The following SNX14 variants were observed in gnomAD, a reference collection of about 807,000 sequenced individuals.
SNX14 encodes sorting nexin 14, also known as sorting nexin-14.
SNX14 carries 93 observed loss-of-function variants against 133.8 expected under a neutral mutation model. The ratio of observed to expected loss-of-function variants is 0.70; its 90% CI spans 0.59 to 0.83. The LOEUF (loss-of-function observed/expected upper bound fraction) is 0.83. Among genes scored for constraint, SNX14 ranks in the 40% least tolerant of loss-of-function variants. The probability of loss-of-function intolerance (pLI) is 0.00; values close to 1 mark genes in which losing one functional copy is unlikely to be tolerated. For synonymous variants in SNX14, 368 were observed against 365.6 expected (o/e 1.01, Z -0.07); for missense variants, 945 against 1,094.9 (o/e 0.86, Z 1.93).
chr6:85,565,341 CCTT>C lies in SNX14; in HGVS notation c.537_539del (p.Arg180del), dbSNP rs1209116914. ...CATTAAAAATATATACCTTGTGAAT[CCTT>C]CTTATTAAGACAGATGCAAAAAAAC... On this transcript the variant is annotated inframe_deletion, in exon 6 of 29. Transcript: ENST00000314673. 3 of 1,583,552 alleles carry C rather than the reference CCTT, an allele frequency of 1.9e-6. No individual in the cohort carries two copies. Among genetic ancestry groups the C allele is most frequent in the East Asian group, 4.5e-5 (2 of 44,512 alleles).
At chr6:85,583,028 A>C (rs1583117039) in intron 1 of SNX14, among the ~76,000 whole-genome samples, 1 of 152,236 alleles carries the variant, frequency 6.6e-6, no homozygotes, top group East Asian at 1.9e-4. Flanking sequence ...CCTCAAAAAA[A>C]TACTGGCAAA....
chr6:85,514,686 TAATC>T lies in SNX14; in HGVS notation c.2269-61_2269-58del, dbSNP rs995224375. On this transcript the variant is annotated intron_variant, in intron 23 of 28. Coordinates refer to ENST00000314673, the MANE Select transcript of SNX14 (RefSeq NM_153816.6). ...TATAGTTTATTACATCTGCTGACGA[TAATC>T]AATAAGGATTAAGTGTCACACAGCA... The T allele has an allele frequency of 4.5e-6, 7 of 1,540,906 alleles. No individual in the cohort carries two copies. The Admixed American group carries it at 6.8e-5, about 15-fold the overall frequency.
chr6:85,548,237 T>A (rs571771921), intron 9 of SNX14, 64 bp downstream of exon 9: 1,024 of 1,200,536 alleles, frequency 8.5e-4, no homozygotes, highest in Non-Finnish European at 1.2e-3. Context: ...TAAAAATGTT[T>A]AAGATACTAA....
chr6:85,579,060 C>G (rs1470644279), intron 1 of SNX14, among the ~76,000 whole-genome samples: 1 of 151,888 alleles, frequency 6.6e-6, no homozygotes, highest in African/African-American at 2.4e-5. Flanking sequence ...ATCATTTGAA[C>G]CCAGGAGGCA....
At chr6:85,531,045 A>G in intron 18 of SNX14, among the ~76,000 whole-genome samples, 1 of 152,224 alleles carries the variant, frequency 6.6e-6, no homozygotes, top group Non-Finnish European at 1.5e-5. Flanking sequence ...TATAGTAGCT[A>G]CTAGCCACAT....
chr6:85,559,595 A>C (rs1790870520), intron 6 of SNX14, among the ~76,000 whole-genome samples: 2 of 152,208 alleles, frequency 1.3e-5, no homozygotes. Flanking sequence ...ACCAAGGCCT[A>C]ATCTTTTGCC....
chr6:85,579,468 G>A (rs1255979252), intron 1 of SNX14, among the ~76,000 whole-genome samples: 4 of 152,204 alleles, frequency 2.6e-5, no homozygotes, highest in Non-Finnish European at 5.9e-5. Flanking sequence ...ACTGATCACA[G>A]TACATGATTT....
intron 23 of SNX14, among the ~76,000 whole-genome samples, chr6:85,517,160 C>T (rs1250208859): frequency 6.6e-6 from 1 of 152,062 alleles, no homozygotes; most frequent in East Asian, 1.9e-4. Flanking sequence ...AATTTTCTAT[C>T]TATATATACA....
Position 85,542,701 on chromosome 6 carries a change from T to C in SNX14, c.1389+481A>G, listed in dbSNP as rs568055518. ...GAGCCACCACACCCGGCCTTTGCAA[T>C]TATTTTTTAATCTTCACTTAATTAC... On this transcript the variant is annotated intron_variant, in intron 14 of 28. Coordinates refer to ENST00000314673, the MANE Select transcript of SNX14 (RefSeq NM_153816.6). 3.3e-5 allele frequency among the ~76,000 whole-genome samples: 5 copies of C among 152,228 alleles called. No individual in the cohort carries two copies. The East Asian group carries it at 9.7e-4, about 29-fold the overall frequency.
In SNX14 at chr6:85,525,237, T is replaced by C. The variant is rs1433315397; in HGVS notation, c.2107+889A>G. Among the ~76,000 whole-genome samples, 5 of 152,134 alleles carry C rather than the reference T, an allele frequency of 3.3e-5. No homozygotes were observed. In the East Asian group the frequency reaches 9.6e-4, roughly 29 times the overall value. Reference sequence around the variant, plus strand: ...GATTCTATATCTGTCATAATAAAAATTAATATTTTAAAAAATAGACCAAAT... The same window carrying C: ...GATTCTATATCTGTCATAATAAAAACTAATATTTTAAAAAATAGACCAAAT... On this transcript the variant is annotated intron_variant, in intron 21 of 28. Transcript: ENST00000314673.
intron 21 of SNX14, among the ~76,000 whole-genome samples, chr6:85,520,297 C>T (rs889191601): frequency 2.0e-5 from 3 of 151,832 alleles, no homozygotes; most frequent in Non-Finnish European, 4.4e-5. Flanking sequence ...CCCACCTCGG[C>T]CTCCTAAAAT....
intron 18 of SNX14, among the ~76,000 whole-genome samples, chr6:85,532,644 T>C (rs1780641163): frequency 6.6e-6 from 1 of 152,210 alleles, no homozygotes; most frequent in African/African-American, 2.4e-5. Flanking sequence ...TCTCTAAATG[T>C]GGTGCTTTTC....
intron 18 of SNX14, among the ~76,000 whole-genome samples, chr6:85,530,806 T>C (rs2127992914): frequency 6.6e-6 from 1 of 152,302 alleles, no homozygotes; most frequent in South Asian, 2.1e-4. Context: ...TGAAGTTATC[T>C]CAAATATACT....
rs951321769 is a variant in SNX14, at chr6:85,526,507, T to G, written c.1996-270A>C. On this transcript the variant is annotated intron_variant, in intron 20 of 28. Transcript: ENST00000314673. ...TTCCTAAATTGCCCAAGAGTCAGTT[T>G]CCTAACTTATAAAATGAGAATAATG... 1.4e-4 allele frequency among the ~76,000 whole-genome samples: 22 copies of G among 152,314 alleles called. 1 individual carries two copies. The highest frequency in any genetic ancestry group is 4.6e-4 in the Admixed American group (7 of 15,298).
intron 1 of SNX14, among the ~76,000 whole-genome samples, chr6:85,574,774 C>G (rs1003747370): frequency 6.6e-6 from 1 of 151,946 alleles, no homozygotes; most frequent in Non-Finnish European, 1.5e-5. Context: ...CCTGGGAATA[C>G]AGTGAGGAAC....
rs1795958952 is a variant in SNX14 at position 85,572,481 on chromosome 6, A to G, written c.262-107T>C. 4 of 859,702 alleles carry G rather than the reference A, an allele frequency of 4.7e-6. No individual in the cohort carries two copies. In the African/African-American group the frequency reaches 6.9e-5, roughly 15 times the overall value. The allele number at this position is 859,702 out of a possible 1,614,324, so 53.3% of individuals were successfully genotyped here. A position where few individuals can be genotyped will look rare whatever the true frequency, so the allele number is the denominator to read the frequency against. On this transcript the variant is annotated intron_variant, in intron 2 of 28. Coordinates refer to ENST00000314673, the MANE Select transcript of SNX14 (RefSeq NM_153816.6). ...TTTTAAAATCAATGTATAAATTCAA[A>G]GAACATTTTTTGTCTACTTTAACAG...
At chr6:85,563,564 T>C (rs917470166) in intron 6 of SNX14, among the ~76,000 whole-genome samples, 1 of 152,132 alleles carries the variant, frequency 6.6e-6, no homozygotes, top group Non-Finnish European at 1.5e-5. Flanking sequence ...GCTAATTTTT[T>C]GTATTTTTAG....
chr6:85,572,437 G>T (rs1211960982), intron 2 of SNX14, 63 bp from the exon 3 acceptor site: 31 of 1,284,880 alleles, frequency 2.4e-5, no homozygotes, highest in Non-Finnish European at 3.3e-5. Flanking sequence ...TTATTTAAAA[G>T]AATCAACTTT....
Position 85,536,902 on chromosome 6 carries a change from A to T in SNX14, c.1498T>A (p.Ser500Thr). ...CTACCTATTCTGCTGATTCCAAATG[A>T]TTCTCCCCTTTTCTGTGTGTTCCTG... Reference protein sequence around the residue: ...DFRNTQKRGESFGISRIGSKI... With the variant: ...DFRNTQKRGETFGISRIGSKI... Residue 500 changes from serine to threonine, a missense_variant, in exon 17 of 29, where the codon TCA becomes ACA. Physicochemically the swap from Ser to Thr is moderately conservative, Grantham distance 58. Around this residue, in one of 3 missense-constraint regions of SNX14, gnomAD observed 412 missense variants for 516.6 expected, o/e 0.80. Transcript: ENST00000314673. 6.2e-7 allele frequency: 1 copy of T among 1,613,008 alleles called. No individual in the cohort carries two copies. Among genetic ancestry groups the T allele is most frequent in the Non-Finnish European group, 8.5e-7 (1 of 1,179,504 alleles).
Sources: gnomAD v4.1 joint callset for allele counts (sites outside exome capture counted in the v4.1 genomes callset) on GRCh38, gnomAD v4.1.1 for gene constraint, gnomAD v4.1.1 regional missense constraint, MANE v1.5 for transcripts, NCBI Gene and HGNC (gene_info 2026-07-23, HGNC 2026-07-21) for gene names.